The following RPS6KA2 variants were observed in gnomAD, a reference collection of about 807,000 sequenced individuals.
RPS6KA2 encodes the protein ribosomal protein S6 kinase A2.
In RPS6KA2, 42 loss-of-function variants were observed where a neutral mutation model predicts 91.8. That is an observed-to-expected ratio of 0.46 (90% CI 0.36 to 0.59). The LOEUF (loss-of-function observed/expected upper bound fraction) is 0.59, where lower values mean the gene tolerates loss of function less well. RPS6KA2 is among the 20% of genes least tolerant of loss of function. The pLI is 0.00. For missense variants in RPS6KA2, 798 were observed against 978.5 expected, an observed-to-expected ratio of 0.82 and a Z score of 2.46; for synonymous variants, 414 against 393.6, an observed-to-expected ratio of 1.05 and a Z score of -0.61.
intron 1 of RPS6KA2, among the ~76,000 whole-genome samples, chr6:166,594,839 A>T (rs1343255632): frequency 6.6e-6 from 1 of 152,234 alleles, no homozygotes; most frequent in East Asian, 1.9e-4. Context: ...TTCTCAGAAC[A>T]CCAAAGTTCT....
At chr6:166,777,741 G>C (rs1340000687) in intron 2 of RPS6KA2, among the ~76,000 whole-genome samples, 1 of 152,174 alleles carries the variant, frequency 6.6e-6, no homozygotes, top group Non-Finnish European at 1.5e-5. Context: ...ATTTGAATAA[G>C]AGGGTATGGA....
At chr6:166,596,727 A>C (rs1001778479) in intron 1 of RPS6KA2, among the ~76,000 whole-genome samples, 1 of 152,170 alleles carries the variant, frequency 6.6e-6, no homozygotes, top group African/African-American at 2.4e-5. Context: ...GTGTGAGTCA[A>C]TTCTCCTTAA....
intron 2 of RPS6KA2, among the ~76,000 whole-genome samples, chr6:166,816,927 G>GA (rs1307384848): frequency 3.3e-5 from 5 of 152,086 alleles, no homozygotes; most frequent in Non-Finnish European, 7.4e-5. Flanking sequence ...TTGAAACATG[G>GA]AAAAAATCAC....
At chr6:166,458,375 C>T (rs74927938) in intron 12 of RPS6KA2, among the ~76,000 whole-genome samples, 2,811 of 152,296 alleles carry the variant, frequency 0.018, 80 homozygotes, top group African/African-American at 0.063. Flanking sequence ...TTGCCATCCA[C>T]GTAAGATGGG....
At chr6:166,713,006 AG>A (rs890039023) in intron 2 of RPS6KA2, among the ~76,000 whole-genome samples, 7 of 152,206 alleles carry the variant, frequency 4.6e-5, no homozygotes, top group Non-Finnish European at 2.9e-5. Flanking sequence ...GCACAGGCAC[AG>A]ATCAGGAGAA....
rs906177355 is a variant in RPS6KA2, at chr6:166,422,152, G to A, written c.1743+1104C>T. On this transcript the variant is annotated intron_variant, in intron 17 of 20. Transcript: ENST00000265678. Reference sequence around the variant, plus strand: ...TGACCTCAGGTGATCCACCTGCCTCGGCCTCCCAAAGTGCTGGGATTACAG... The same window carrying A: ...TGACCTCAGGTGATCCACCTGCCTCAGCCTCCCAAAGTGCTGGGATTACAG... Among the ~76,000 whole-genome samples, 3 of 152,032 alleles carry A rather than the reference G, an allele frequency of 2.0e-5. No individual in the cohort carries two copies. In the East Asian group the frequency reaches 5.8e-4, roughly 29 times the overall value.
Position 166,770,853 on chromosome 6 carries a change from C to T in RPS6KA2, c.123+87347G>A, listed in dbSNP as rs897399781. On this transcript the variant is annotated intron_variant, in intron 2 of 21. Coordinates refer to the RPS6KA2 transcript ENST00000503859. This position sits in a 1 kb window ranked among gnomAD's most constrained non-coding sequence, Gnocchi z 5.1. ...ATGGAAAAAAACAAACCCACAGGAA[C>T]GCTTCTTACCTCTACGGATCCAGCT... The T allele has an allele frequency of 2.1e-5, 34 of 1,584,460 alleles. No homozygotes were observed. Among genetic ancestry groups the T allele is most frequent in the Non-Finnish European group, 2.7e-5 (32 of 1,176,204 alleles).
chr6:166,492,277 G>C (rs1385532808), intron 8 of RPS6KA2, among the ~76,000 whole-genome samples: 2 of 152,082 alleles, frequency 1.3e-5, no homozygotes, highest in Admixed American at 1.3e-4. Context: ...ACAGGCTGCA[G>C]GCAATCAATC....
rs538493124 is a variant in RPS6KA2, at chr6:166,462,293, G to A, written c.973-2742C>T. On this transcript the variant is annotated intron_variant, in intron 11 of 20. Transcript: ENST00000265678. ...GGGGCAGGGCTGCAGGCTCTGCCTG[G>A]CTTCCTACAGGCCACATCCTTCTCC... Among the ~76,000 whole-genome samples, 13 of 152,320 alleles carry A rather than the reference G, an allele frequency of 8.5e-5. No individual in the cohort carries two copies. The East Asian group carries it at 2.1e-3, about 25-fold the overall frequency.
rs759030188 is a variant in RPS6KA2 at position 166,825,034 on chromosome 6, G to A, written c.123+33166C>T. On this transcript the variant is annotated intron_variant, in intron 2 of 21. Transcript: ENST00000503859. The surrounding 1 kb of genome is among the most constrained non-coding windows in gnomAD (Gnocchi z 4.1). ...ACCCCAGGGAGCTGCCTTCCCGTCC[G>A]TCTTCTGCCTCCACCCACACAGCAG... Among the ~76,000 whole-genome samples, 354 of 152,238 alleles carry A rather than the reference G, an allele frequency of 2.3e-3. 2 individuals carry two copies. The highest frequency in any genetic ancestry group is 2.0e-3 in the Non-Finnish European group (137 of 68,040).
chr6:166,545,237 C>T (rs1301674817), intron 1 of RPS6KA2, among the ~76,000 whole-genome samples: 2 of 152,180 alleles, frequency 1.3e-5, no homozygotes, highest in Non-Finnish European at 2.9e-5. Flanking sequence ...GCAGAATCCG[C>T]GGAGGGAAAG....
At chr6:166,783,647 C>A (rs940547816) in intron 2 of RPS6KA2, among the ~76,000 whole-genome samples, 1 of 152,102 alleles carries the variant, frequency 6.6e-6, no homozygotes, top group African/African-American at 2.4e-5. Context: ...TATACATGTG[C>A]ACACCTATGC....
intron 14 of RPS6KA2, among the ~76,000 whole-genome samples, chr6:166,446,980 T>TG (rs1194235918): frequency 6.6e-6 from 1 of 152,182 alleles, no homozygotes; most frequent in Admixed American, 6.5e-5. Flanking sequence ...TAAGGCAGAA[T>TG]ACAGGTCTGC....
chr6:166,429,343 C>T (rs1004022287), intron 16 of RPS6KA2, among the ~76,000 whole-genome samples: 25 of 149,708 alleles, frequency 1.7e-4, no homozygotes, highest in Non-Finnish European at 3.3e-4. Flanking sequence ...TGCTAAATGA[C>T]GAGTTAATGG....
At chr6:166,830,277 T>C (rs76819516) in intron 2 of RPS6KA2, among the ~76,000 whole-genome samples, 3,600 of 152,300 alleles carry the variant, frequency 0.024, 76 homozygotes, top group Non-Finnish European at 0.038. Context: ...TCTGCTTACA[T>C]GAGGTGCCTA....
At chr6:166,812,287 C>A (rs1188274885) in intron 2 of RPS6KA2, among the ~76,000 whole-genome samples, 1 of 152,140 alleles carries the variant, frequency 6.6e-6, no homozygotes, top group African/African-American at 2.4e-5. Flanking sequence ...ACTTGGGAGA[C>A]AGAGGCTGCA....
At chr6:166,436,315 G>GA (rs397827258) in intron 14 of RPS6KA2, among the ~76,000 whole-genome samples, 5,051 of 73,780 alleles carry the variant, frequency 0.068, 243 homozygotes, top group African/African-American at 0.15. Context: ...TAAAGCCCCA[G>GA]AAAAAAAAAA....
chr6:166,701,284 G>A, intron 2 of RPS6KA2: 1 of 1,611,822 alleles, frequency 6.2e-7, no homozygotes, highest in Non-Finnish European at 8.5e-7. Flanking sequence ...TTCTGCACTT[G>A]ACAAATTCTG....
intron 2 of RPS6KA2, among the ~76,000 whole-genome samples, chr6:166,741,651 C>T (rs933403576): frequency 1.3e-5 from 2 of 152,194 alleles, no homozygotes; most frequent in African/African-American, 2.4e-5. Context: ...ATGCAAGCCA[C>T]GAGCAGTCAT....
Sources: allele counts gnomAD v4.1 joint callset (sites outside exome capture counted in the v4.1 genomes callset), GRCh38; gene constraint gnomAD v4.1.1; non-coding constraint Gnocchi (gnomAD v3.1); transcripts MANE v1.5; gene names NCBI Gene and HGNC (gene_info 2026-07-23, HGNC 2026-07-21).